TAB3: variants seen among roughly 807,000 people sequenced by gnomAD.
The protein encoded by TAB3 is TGF-beta activated kinase 1 (MAP3K7) binding protein 3.
TAB3 carries 18 observed loss-of-function variants against 48.1 expected under a neutral mutation model. That is an observed-to-expected ratio of 0.37 (90% CI 0.26 to 0.55). The LOEUF (loss-of-function observed/expected upper bound fraction) is 0.55, where lower values mean the gene tolerates loss of function less well. Ranked by LOEUF, TAB3 falls within the 20% of genes least tolerant of loss-of-function variation. TAB3 has a pLI of 0.78. For missense variants in TAB3, 414 were observed against 549.8 expected (o/e 0.75, Z 2.47); for synonymous variants, 185 against 190.2 (o/e 0.97, Z 0.22).
At chrX:30,870,976 C>T (rs775736789) in intron 2 of TAB3, among the ~76,000 whole-genome samples, 1 of 112,456 alleles carries the variant, frequency 8.9e-6, no homozygotes, top group Non-Finnish European at 1.9e-5. Context: ...GATTATTAAA[C>T]GGGTGTCACA....
intron 1 of TAB3, among the ~76,000 whole-genome samples, chrX:30,888,799 T>C (rs1940207837): frequency 8.9e-6 from 1 of 112,260 alleles, no homozygotes; most frequent in Non-Finnish European, 1.9e-5. Context: ...ATGCCTAGGG[T>C]CCGGCGAGGA....
intron 10 of TAB3, among the ~76,000 whole-genome samples, chrX:30,832,009 T>C (rs1348386846): frequency 8.9e-6 from 1 of 112,231 alleles, no homozygotes; most frequent in African/African-American, 3.2e-5. Flanking sequence ...TCTGACTAAA[T>C]GTGTGCCTTC....
chrX:30,841,337 C>A (rs1938430299), intron 9 of TAB3, among the ~76,000 whole-genome samples: 1 of 109,962 alleles, frequency 9.1e-6, no homozygotes, highest in Non-Finnish European at 1.9e-5. Context: ...ATCACTTGAA[C>A]CTGGGAGGTG....
In TAB3 at chrX:30,854,381, A is replaced by G; in HGVS notation, c.1284T>C (p.Tyr428=). 1 of 1,211,721 alleles carries G rather than the reference A, an allele frequency of 8.3e-7. No homozygotes were observed. Among genetic ancestry groups the G allele is most frequent in the Non-Finnish European group, 1.1e-6 (1 of 895,471 alleles). Residue 428 remains tyrosine (Y), a synonymous_variant, in exon 6 of 11, where the codon TAT becomes TAC. Transcript: ENST00000288422. ...PKPPFSVNPV[Y]ITYTQPTGPS... is the part of the protein sequence containing the mutation. The stretch of plus-strand genomic sequence containing the variant: ...GTCCAGTTGGCTGTGTATATGTAAT[A>G]TACACAGGATTAACACTAAATGGAG...
chrX:30,843,962 C>T (rs2050900056), intron 8 of TAB3: 1 of 110,524 alleles, frequency 9.0e-6, no homozygotes, highest in African/African-American at 3.3e-5. Context: ...TATATTAAAT[C>T]TCTTCATTTC....
At chrX:30,853,839 T>C (rs1938954317) in intron 6 of TAB3, among the ~76,000 whole-genome samples, 1 of 111,486 alleles carries the variant, frequency 9.0e-6, no homozygotes, top group South Asian at 3.8e-4. Flanking sequence ...CACACCCAGC[T>C]AAGTTTTGTA....
intron 10 of TAB3, among the ~76,000 whole-genome samples, chrX:30,832,533 A>G (rs1938057384): frequency 8.9e-6 from 1 of 112,471 alleles, no homozygotes; most frequent in South Asian, 3.7e-4. Flanking sequence ...AAACAGATCT[A>G]GGGAAGCTTT....
intron 4 of TAB3, among the ~76,000 whole-genome samples, chrX:30,864,345 C>A (rs927492270): frequency 1.8e-5 from 2 of 112,215 alleles, no homozygotes; most frequent in Non-Finnish European, 3.8e-5. Context: ...TGTGAGGATT[C>A]TTTTCTTAAA....
At chrX:30,841,857 G>A (rs1205295399) in intron 9 of TAB3, among the ~76,000 whole-genome samples, 1 of 112,231 alleles carries the variant, frequency 8.9e-6, no homozygotes, top group East Asian at 2.8e-4. Flanking sequence ...CGCCTAGGCT[G>A]GAGTACAGTG....
At chrX:30,881,220 AG>A (rs752635805) in intron 1 of TAB3, among the ~76,000 whole-genome samples, 15 of 110,153 alleles carry the variant, frequency 1.4e-4, no homozygotes, top group South Asian at 3.8e-4. Flanking sequence ...ATGGGGGTGG[AG>A]GGGGGTAAGG....
intron 9 of TAB3, among the ~76,000 whole-genome samples, chrX:30,837,041 CTTTTTTTTT>C (rs370702875): frequency 5.5e-5 from 2 of 36,574 alleles, no homozygotes; most frequent in Admixed American, 8.9e-4. Flanking sequence ...AAAATGACAT[CTTTTTTTTT>C]TTTTTTTTTT....
intron 10 of TAB3, among the ~76,000 whole-genome samples, chrX:30,832,528 G>C (rs781770953): frequency 8.9e-6 from 1 of 112,257 alleles, no homozygotes; most frequent in Non-Finnish European, 1.9e-5. Context: ...AAAAGAAACA[G>C]ATCTAGGGAA....
chrX:30,877,199 G>T (rs1367751350), intron 1 of TAB3, among the ~76,000 whole-genome samples: 4 of 112,103 alleles, frequency 3.6e-5, no homozygotes, highest in African/African-American at 1.3e-4. Context: ...TCTCCAAGAA[G>T]CATGAAGAAA....
chrX:30,874,930 G>A (rs953073235), intron 1 of TAB3, among the ~76,000 whole-genome samples: 3 of 111,984 alleles, frequency 2.7e-5, no homozygotes, highest in African/African-American at 9.8e-5. Flanking sequence ...AGAGAGAAAG[G>A]GACTGTATGT....
At chrX:30,838,381 T>C (rs1415270198) in intron 9 of TAB3, among the ~76,000 whole-genome samples, 1 of 112,245 alleles carries the variant, frequency 8.9e-6, no homozygotes, top group Non-Finnish European at 1.9e-5. Context: ...CTCGAACTCC[T>C]GAGCTCAAGT....
chrX:30,847,171 A>C (rs1233628533), intron 7 of TAB3, among the ~76,000 whole-genome samples: 1 of 111,442 alleles, frequency 9.0e-6, no homozygotes. Context: ...AATTTTCTTA[A>C]AGTTATAAAG....
intron 9 of TAB3, among the ~76,000 whole-genome samples, chrX:30,837,783 C>G (rs1258109809): frequency 8.9e-6 from 1 of 112,235 alleles, no homozygotes; most frequent in Non-Finnish European, 1.9e-5. Flanking sequence ...ATATTCTGTT[C>G]TGGAAGCTTT....
Position 30,852,952 on chromosome X carries a change from G to C in TAB3, c.1550-14C>G. Reference sequence around the variant, plus strand: ...GTAACAGCAAGGCTACAGCATTATAGATAATGTCATTGCAGAGAACAACAT... The same window carrying C: ...GTAACAGCAAGGCTACAGCATTATACATAATGTCATTGCAGAGAACAACAT... On this transcript the variant is annotated splice_polypyrimidine_tract_variant and intron_variant, in intron 6 of 10. Transcript: ENST00000288422. The C allele has an allele frequency of 8.3e-7, 1 of 1,207,188 alleles. No individual in the cohort carries two copies.
At chrX:30,873,019 G>GA (rs1179644518) in intron 1 of TAB3, among the ~76,000 whole-genome samples, 2 of 112,001 alleles carry the variant, frequency 1.8e-5, no homozygotes, top group African/African-American at 6.5e-5. Flanking sequence ...GTCTGAGGAT[G>GA]AAAAAAAGCA....
Sources: gnomAD v4.1 joint callset for allele counts (sites outside exome capture counted in the v4.1 genomes callset) on GRCh38, gnomAD v4.1.1 for gene constraint, MANE v1.5 for transcripts, NCBI Gene and HGNC (gene_info 2026-07-23, HGNC 2026-07-21) for gene names.